Variants in MOK observed in about 807,000 individuals in gnomAD.
MOK encodes MAPK/MAK/MRK overlapping kinase.
Under a neutral mutation model 54.2 loss-of-function variants are expected in MOK, and 59 were observed. The observed-to-expected ratio is 1.09, with a 90% CI of 0.88 to 1.35. The LOEUF is 1.35. Among genes scored for constraint, MOK ranks in the 40% most tolerant of loss-of-function variants. The probability of loss-of-function intolerance (pLI) is 0.00; values close to 1 mark genes in which losing one functional copy is unlikely to be tolerated. For synonymous variants in MOK, 210 were observed against 202.7 expected (o/e 1.04, Z -0.31); for missense variants, 517 against 526.2 (o/e 0.98, Z 0.17).
At chr14:102,261,035 A>C (rs1480845530) in intron 4 of MOK, among the ~76,000 whole-genome samples, 3 of 152,008 alleles carry the variant, frequency 2.0e-5, no homozygotes, top group Non-Finnish European at 2.9e-5. Context: ...AGACAGGCAG[A>C]TCACGACGTC....
intron 2 of MOK, among the ~76,000 whole-genome samples, chr14:102,273,833 A>C (rs1263361957): frequency 6.6e-6 from 1 of 152,186 alleles, no homozygotes; most frequent in East Asian, 1.9e-4. Context: ...AACTGAAATA[A>C]ATGGAGAGAC....
rs1263535243 is a variant in MOK, at chr14:102,245,994, C to G, written c.590+4818G>C. 6.5e-6 allele frequency: 1 copy of G among 152,718 alleles called. No individual in the cohort carries two copies. Among genetic ancestry groups the G allele is most frequent in the Non-Finnish European group, 1.5e-5 (1 of 68,058 alleles). The allele number at this position is 152,718 out of a possible 1,614,324, so 9.5% of individuals were successfully genotyped here. On this transcript the variant is annotated intron_variant, in intron 7 of 11. Transcript: ENST00000361847. The surrounding 1 kb of genome is among the most constrained non-coding windows in gnomAD (Gnocchi z 4.3). ...CTCAAACAGGTTTAAAGTACTATTA[C>G]AACTAGCCTCCTTTAATGGAAACAC...
chr14:102,286,610 A>C (rs537896053), intron 1 of MOK, among the ~76,000 whole-genome samples: 1 of 152,180 alleles, frequency 6.6e-6, no homozygotes, highest in African/African-American at 2.4e-5. Flanking sequence ...GACCCTGTCT[A>C]AAAGAAAAAA....
chr14:102,215,294 G>C, the MOK span, among the ~76,000 whole-genome samples: 1 of 152,170 alleles, frequency 6.6e-6, no homozygotes, highest in East Asian at 1.9e-4. Flanking sequence ...CTGTGTAGAG[G>C]CTTCTGTTTA....
chr14:102,244,946 C>T (rs985354106), intron 7 of MOK, among the ~76,000 whole-genome samples: 1 of 152,056 alleles, frequency 6.6e-6, no homozygotes, highest in African/African-American at 2.4e-5. Flanking sequence ...AACTCAGCCT[C>T]CAACTTAAAA....
chr14:102,285,058 G>A (rs2069879775), intron 1 of MOK, among the ~76,000 whole-genome samples: 1 of 150,626 alleles, frequency 6.6e-6, no homozygotes, highest in Admixed American at 6.6e-5. Context: ...ACTCCAGCCT[G>A]GGCTACAGAG....
chr14:102,268,055 T>G (rs1437430518), intron 2 of MOK, among the ~76,000 whole-genome samples: 1 of 152,074 alleles, frequency 6.6e-6, no homozygotes, highest in Non-Finnish European at 1.5e-5. Flanking sequence ...TAGCAGTAGT[T>G]CCAATTTTTG....
chr14:102,215,757 G>A, the MOK span, among the ~76,000 whole-genome samples: 2 of 152,118 alleles, frequency 1.3e-5, no homozygotes, highest in Non-Finnish European at 2.9e-5. Context: ...CACCAGGCCC[G>A]TCGTCGGTGC....
intron 1 of MOK, among the ~76,000 whole-genome samples, chr14:102,301,102 A>G (rs1269116900): frequency 2.6e-5 from 4 of 152,152 alleles, no homozygotes; most frequent in Non-Finnish European, 5.9e-5. Flanking sequence ...CCATCTCAAA[A>G]TAAAAAACAA....
Position 102,233,802 on chromosome 14 carries a change from A to G in MOK, c.591-13T>C, listed in dbSNP as rs191588415. The G allele has an allele frequency of 5.0e-3, 7,973 of 1,596,038 alleles. 144 individuals are homozygous for G. The highest frequency in any genetic ancestry group is 0.04 in the African/African-American group (2,982 of 74,632). ...GAGGGGCTGCAGACTGGAAGGGCAG[A>G]AGGGGCACTGTGGTCAGTGTTAGGG... is the stretch of plus-strand genomic sequence containing the variant. On this transcript the variant is annotated splice_polypyrimidine_tract_variant and intron_variant, in intron 7 of 11. Transcript: ENST00000361847.
At position 102,305,052 on chromosome 14, in the gene MOK, C is replaced by T. The variant is rs1253153371; in HGVS notation, c.-84G>A. On this transcript the variant is annotated 5_prime_UTR_variant, in exon 1 of 12. The change creates a new upstream start codon in the 5' untranslated region. Coordinates refer to ENST00000361847, the MANE Select transcript of MOK (RefSeq NM_014226.3). ...AGGAAGGTTGTCCCCCTGCTTTCCA[C>T]TTCCCTGAGGCGGGGTCCCGCACTA... 1 of 1,512,130 alleles carries T rather than the reference C, an allele frequency of 6.6e-7. No homozygotes were observed. Among genetic ancestry groups the T allele is most frequent in the Non-Finnish European group, 9.0e-7 (1 of 1,106,096 alleles). 93.7% of individuals were successfully genotyped at this position (1,512,130 alleles called of 1,614,324 possible).
intron 1 of MOK, among the ~76,000 whole-genome samples, chr14:102,287,723 T>C (rs544308589): frequency 1.3e-5 from 2 of 152,158 alleles, no homozygotes; most frequent in South Asian, 4.1e-4. Context: ...TAACAAGTGT[T>C]GGTGAGGATG....
At chr14:102,219,310 G>C in the MOK span, among the ~76,000 whole-genome samples, 1 of 152,246 alleles carries the variant, frequency 6.6e-6, no homozygotes, top group Non-Finnish European at 1.5e-5. Flanking sequence ...TCCAGCAAGT[G>C]ACAGGTGCCA....
At chr14:102,244,041 A>G (rs2065911108) in intron 7 of MOK, among the ~76,000 whole-genome samples, 1 of 152,200 alleles carries the variant, frequency 6.6e-6, no homozygotes, top group Admixed American at 6.5e-5. Flanking sequence ...ATGCTGTTAT[A>G]TGGGCTGAAA....
At chr14:102,285,921 G>C (rs564549379) in intron 1 of MOK, among the ~76,000 whole-genome samples, 1 of 152,056 alleles carries the variant, frequency 6.6e-6, no homozygotes, top group South Asian at 2.1e-4. Flanking sequence ...CAATACCCCT[G>C]TACATTCCCA....
At position 102,229,538 on chromosome 14, in the gene MOK, C is replaced by A. The variant is rs1567125244; in HGVS notation, c.1101G>T (p.Thr367=). The change falls in exon 11 of 12, where the codon ACG becomes ACT. Residue 367 remains threonine, a synonymous_variant. Transcript: ENST00000361847. Reference sequence around the variant, plus strand: ...TTCCAGATCCAAGCACGGACTGCAGCGTGGGGCTGGAGTAAGACGACAGTC... The same window carrying A: ...TTCCAGATCCAAGCACGGACTGCAGAGTGGGGCTGGAGTAAGACGACAGTC... The part of the protein sequence containing the change: ...VVRLSSYSSP[T]LQSVLGSGTN... 1.2e-6 allele frequency: 2 copies of A among 1,614,166 alleles called. No homozygotes were observed. The highest frequency in any genetic ancestry group is 3.3e-5 in the Admixed American group (2 of 60,024).
In MOK at chr14:102,250,812, C is replaced by G. The variant is rs777514411; in HGVS notation, c.590G>C (p.Ser197Thr). The G allele has an allele frequency of 9.3e-6, 15 of 1,612,794 alleles. No homozygotes were observed. In the South Asian group the frequency reaches 1.6e-4, roughly 18 times the overall value. ...AGGCAGGAGCCTGGCCTGGTGCTAC[C>G]TGGCGATCTCGTAGAACACACAGCC... ...SAGCVFYEIASLQPLFPGVNE... is the reference protein window; with the variant it reads ...SAGCVFYEIATLQPLFPGVNE... The change falls in exon 7 of 12, where the codon AGT becomes ACT. Residue 197 changes from serine to threonine, a missense_variant and splice_region_variant. Physicochemically the swap from Ser to Thr is moderately conservative, Grantham distance 58. Coordinates refer to ENST00000361847, the MANE Select transcript of MOK (RefSeq NM_014226.3).
intron 2 of MOK, among the ~76,000 whole-genome samples, chr14:102,276,210 C>A (rs779983655): frequency 1.3e-5 from 2 of 152,104 alleles, no homozygotes; most frequent in Non-Finnish European, 2.9e-5. Context: ...ACAGGCCGGG[C>A]GTGGTGGCTC....
At chr14:102,293,701 C>CAAAAAAAAAAAAAAAAAAAAAAAAAG (rs2071042807) in intron 1 of MOK, among the ~76,000 whole-genome samples, 1 of 54,598 alleles carries the variant, frequency 1.8e-5, no homozygotes, top group Non-Finnish European at 3.6e-5. Context: ...AACTCCATCA[C>CAAAAAAAAAAAAAAAAAAAAAAAAAG]AAAAAAAAAA....
Sources: gnomAD v4.1 joint callset for allele counts (sites outside exome capture counted in the v4.1 genomes callset) on GRCh38, gnomAD v4.1.1 for gene constraint, Gnocchi (gnomAD v3.1) non-coding constraint, MANE v1.5 for transcripts, NCBI Gene and HGNC (gene_info 2026-07-23, HGNC 2026-07-21) for gene names.